The following SCP2 variants were observed in gnomAD, a reference collection of about 807,000 sequenced individuals.
SCP2 encodes the protein sterol carrier protein 2.
Under a neutral mutation model 71.4 loss-of-function variants are expected in SCP2, and 48 were observed. That is an observed-to-expected ratio of 0.67 (90% CI 0.53 to 0.86). The LOEUF (loss-of-function observed/expected upper bound fraction) is 0.86. SCP2 is among the 40% of genes least tolerant of loss of function. The probability of loss-of-function intolerance (pLI) is 0.00; values close to 1 mark genes in which losing one functional copy is unlikely to be tolerated. For synonymous variants in SCP2, 220 were observed against 218.1 expected (o/e 1.01, Z -0.08); for missense variants, 560 against 655.6 (o/e 0.85, Z 1.59).
chr1:53,015,181 A>G (rs1191194139), intron 12 of SCP2, 138 bp downstream of exon 12: 1 of 918,544 alleles, frequency 1.1e-6, no homozygotes, highest in Non-Finnish European at 1.7e-6. Flanking sequence ...TTTTAAGAAC[A>G]TGGCTTTAAA....
chr1:52,973,031 C>T (rs1657632125), intron 6 of SCP2, among the ~76,000 whole-genome samples: 1 of 152,188 alleles, frequency 6.6e-6, no homozygotes, highest in African/African-American at 2.4e-5. Context: ...TGAAATTCAA[C>T]ATTATAGCAG....
At chr1:53,036,114 G>C (rs896115061) in intron 13 of SCP2, among the ~76,000 whole-genome samples, 74 of 150,348 alleles carry the variant, frequency 4.9e-4, no homozygotes, top group African/African-American at 1.7e-3. Context: ...AAATAAATAT[G>C]GTATACTTTT....
At chr1:53,045,204 C>T (rs899479840) in intron 14 of SCP2, among the ~76,000 whole-genome samples, 3 of 152,254 alleles carry the variant, frequency 2.0e-5, no homozygotes, top group African/African-American at 4.8e-5. Flanking sequence ...AAGCCTCCCT[C>T]CTGCCCCCCT....
At chr1:52,934,324 T>G (rs1436221059) in intron 1 of SCP2, among the ~76,000 whole-genome samples, 1 of 152,112 alleles carries the variant, frequency 6.6e-6, no homozygotes, top group East Asian at 1.9e-4. Flanking sequence ...AAATTTTTTT[T>G]TTGTTTTTTA....
At chr1:53,032,354 T>C (rs1662611911) in intron 13 of SCP2, among the ~76,000 whole-genome samples, 1 of 152,140 alleles carries the variant, frequency 6.6e-6, no homozygotes, top group Non-Finnish European at 1.5e-5. Flanking sequence ...TGGAAAAATA[T>C]TTCCAGAAAA....
intron 7 of SCP2, among the ~76,000 whole-genome samples, chr1:52,976,184 C>T (rs1476849060): frequency 2.6e-5 from 4 of 152,096 alleles, no homozygotes; most frequent in Non-Finnish European, 5.9e-5. Flanking sequence ...ATCAGGAAGC[C>T]CCGCTGAACA....
chr1:53,031,138 A>T (rs544140891), intron 13 of SCP2, among the ~76,000 whole-genome samples: 1 of 149,746 alleles, frequency 6.7e-6, no homozygotes, highest in South Asian at 2.1e-4. Flanking sequence ...TATTCCATCT[A>T]AAAAAAAAAT....
intron 11 of SCP2, among the ~76,000 whole-genome samples, chr1:53,008,295 C>G (rs1051139420): frequency 6.6e-6 from 1 of 152,174 alleles, no homozygotes; most frequent in Non-Finnish European, 1.5e-5. Flanking sequence ...CAGCATCATC[C>G]TGATACCAAA....
intron 11 of SCP2, among the ~76,000 whole-genome samples, chr1:53,012,274 G>C (rs1247702845): frequency 6.6e-6 from 1 of 152,164 alleles, no homozygotes; most frequent in Non-Finnish European, 1.5e-5. Context: ...GGCCTGGCTG[G>C]GTTTCCCCAC....
chr1:53,020,744 C>T (rs1260349427), intron 12 of SCP2, among the ~76,000 whole-genome samples: 1 of 152,190 alleles, frequency 6.6e-6, no homozygotes, highest in African/African-American at 2.4e-5. Flanking sequence ...TATCTCCCAC[C>T]ATACCTCTAT....
intron 14 of SCP2, among the ~76,000 whole-genome samples, chr1:53,046,767 A>G (rs1215813833): frequency 3.9e-5 from 6 of 152,220 alleles, no homozygotes; most frequent in Non-Finnish European, 7.3e-5. Context: ...GGTAGTTGTG[A>G]TAGAGACCTA....
intron 1 of SCP2, among the ~76,000 whole-genome samples, chr1:52,929,491 T>G (rs1572032541): frequency 6.6e-6 from 1 of 152,142 alleles, no homozygotes; most frequent in African/African-American, 2.4e-5. Context: ...TGTCCCCCAG[T>G]CTGGAGTGCA....
In SCP2 at chr1:53,012,412, G is replaced by T. The variant is rs58565009; in HGVS notation, c.1082-2478G>T. On this transcript the variant is annotated intron_variant, in intron 11 of 15. Transcript: ENST00000371514. ...GTATCTTTGGGTCTTTATTCTGAAT[G>T]CTCCTATGTATACATGTTAAATAAA... 3.8e-3 allele frequency among the ~76,000 whole-genome samples: 585 copies of T among 152,280 alleles called. 4 individuals carry two copies. Among genetic ancestry groups the T allele is most frequent in the African/African-American group, 0.014 (562 of 41,544 alleles).
chr1:53,035,639 A>T (rs1490502026), intron 13 of SCP2, among the ~76,000 whole-genome samples: 2 of 152,236 alleles, frequency 1.3e-5, no homozygotes, highest in African/African-American at 2.4e-5. Context: ...GAAGAGAAGA[A>T]TTATAATTGA....
chr1:52,960,717 CGT>C (rs145935532), intron 5 of SCP2, among the ~76,000 whole-genome samples: 3,445 of 103,660 alleles, frequency 0.033, 91 homozygotes, highest in African/African-American at 0.082. Flanking sequence ...ATATTATGTG[CGT>C]GTGTGTGTGT....
At chr1:52,945,520 G>A (rs1654698154) in intron 2 of SCP2, among the ~76,000 whole-genome samples, 1 of 152,000 alleles carries the variant, frequency 6.6e-6, no homozygotes, top group African/African-American at 2.4e-5. Flanking sequence ...TGGCTAACAC[G>A]GTGAAAACTC....
At chr1:52,974,701 A>G (rs1362076150) in intron 6 of SCP2, 68 bp from the exon 7 acceptor site, 1 of 815,796 alleles carries the variant, frequency 1.2e-6, no homozygotes, top group Non-Finnish European at 2.2e-6. Context: ...ACTGAGTACC[A>G]TTGCAAGATT....
In SCP2 at chr1:53,032,763, C is replaced by T. The variant is rs183517476; in HGVS notation, c.1338+4692C>T. Among the ~76,000 whole-genome samples the T allele has an allele frequency of 2.3e-3, 355 of 152,314 alleles. 1 individual carries two copies. Among genetic ancestry groups the T allele is most frequent in the Middle Eastern group, 0.017 (5 of 292 alleles). ...GGATATGTTAGTGTTAGATGGACTA[C>T]TTGGCAGCAGTATAGAGGAGAAGCA... is the stretch of plus-strand genomic sequence containing the variant. On this transcript the variant is annotated intron_variant, in intron 13 of 15. Transcript: ENST00000371514.
chr1:52,934,638 A>G (rs1653516546), intron 1 of SCP2, among the ~76,000 whole-genome samples: 1 of 60,926 alleles, frequency 1.6e-5, no homozygotes, highest in East Asian at 5.6e-4. Context: ...TTTGAGACGG[A>G]GTCTCTCTCT....
Sources: gnomAD v4.1 joint callset for allele counts (sites outside exome capture counted in the v4.1 genomes callset) on GRCh38, gnomAD v4.1.1 for gene constraint, MANE v1.5 for transcripts, NCBI Gene and HGNC (gene_info 2026-07-23, HGNC 2026-07-21) for gene names.